The following RITA1 variants were observed in gnomAD, a reference collection of about 807,000 sequenced individuals.
RITA1 encodes RBPJ-interacting and tubulin-associated protein 1.
In RITA1, 15 loss-of-function variants were observed where a neutral mutation model predicts 8.7. The ratio of observed to expected loss-of-function variants is 1.72; its 90% CI spans 1.15 to 2.65. The LOEUF is 2.65. Ranked by LOEUF, RITA1 falls within the 30% of genes most tolerant of loss-of-function variation. RITA1 has a pLI of 0.00. For missense variants in RITA1, 330 were observed against 363.8 expected (o/e 0.91, Z 0.76); for synonymous variants, 145 against 156.2 (o/e 0.93, Z 0.53).
chr12:113,191,150 C>G lies in RITA1; in HGVS notation c.303-160C>G, dbSNP rs1952596230. 1.3e-5 allele frequency among the ~76,000 whole-genome samples: 2 copies of G among 152,184 alleles called. No individual in the cohort carries two copies. Among genetic ancestry groups the G allele is most frequent in the Admixed American group, 6.5e-5 (1 of 15,272 alleles). On this transcript the variant is annotated intron_variant, in intron 3 of 3. Coordinates refer to ENST00000548278, the MANE Select transcript of RITA1 (RefSeq NM_032848.3). This position sits in a 1 kb window ranked among gnomAD's most constrained non-coding sequence, Gnocchi z 4.0. ...ACCGGGGGCAGTGGTGCTTAAGAGG[C>G]TGTGGCCTCGCTGTAGGTTTCAGAC...
In RITA1 at chr12:113,192,098, A is replaced by C. The variant is rs1593019160; in HGVS notation, c.*281A>C. ...ATTAGTGCCAACCCAGGGGCCTGGC[A>C]CCTCCCACATCATCCATTGTCTTGC... On this transcript the variant is annotated 3_prime_UTR_variant, in exon 4 of 4. Transcript: ENST00000548278. 5.1e-6 allele frequency: 2 copies of C among 391,996 alleles called. No individual in the cohort carries two copies. The highest frequency in any genetic ancestry group is 9.1e-6 in the Non-Finnish European group (2 of 218,748). 24.3% of individuals were successfully genotyped at this position (391,996 alleles called of 1,614,324 possible).
At chr12:113,186,603 A>T (rs778675492) in intron 2 of RITA1, 80 bp from the exon 3 acceptor site, 119 of 1,446,862 alleles carry the variant, frequency 8.2e-5, no homozygotes, top group Non-Finnish European at 1.1e-4. Context: ...AACCCTTGGG[A>T]TGAGAACTTC....
intron 3 of RITA1, among the ~76,000 whole-genome samples, chr12:113,189,307 A>AT (rs1464325966): frequency 6.6e-6 from 1 of 152,010 alleles, no homozygotes; most frequent in South Asian, 2.1e-4. Context: ...GATACCTATT[A>AT]TAAAAACAAG....
At chr12:113,186,125 C>T in intron 1 of RITA1, 60 bp from the exon 2 acceptor site, 2 of 1,494,532 alleles carry the variant, frequency 1.3e-6, no homozygotes, top group South Asian at 1.2e-5. Flanking sequence ...GGTGATCTCC[C>T]GATAGCAGTG....
Position 113,186,883 on chromosome 12 carries a change from G to A in RITA1, c.137G>A (p.Arg46Gln), listed in dbSNP as rs367637594. Residue 46 changes from arginine (R) to glutamine (Q), a missense_variant, in exon 3 of 4, where the codon CGG becomes CAG. Coordinates refer to ENST00000548278, the MANE Select transcript of RITA1 (RefSeq NM_032848.3). ...ETLFGSPAGT[R>Q]PTPPDFDPPW... The stretch of plus-strand genomic sequence containing the variant: ...CTGTTTGGCAGCCCAGCAGGCACCC[G>A]GCCTACCCCACCGGACTTCGATCCG... The A allele has an allele frequency of 1.7e-5, 28 of 1,614,048 alleles. No homozygotes were observed. Among genetic ancestry groups the A allele is most frequent in the South Asian group, 6.6e-5 (6 of 91,080 alleles).
In RITA1 at chr12:113,185,868, G is replaced by T. The variant is rs57137190; in HGVS notation, c.-350G>T. The stretch of plus-strand genomic sequence containing the variant: ...CCCGGGACGGCCTAGGCTGCCGGGG[G>T]TCCGGGGCCCCAGGCATTCCGGGCT... On this transcript the variant is annotated 5_prime_UTR_variant, in exon 1 of 4. Transcript: ENST00000548278. The T allele has an allele frequency of 4.2e-6, 5 of 1,190,294 alleles. No individual in the cohort carries two copies. The highest frequency in any genetic ancestry group is 5.8e-6 in the Non-Finnish European group (5 of 861,506). The allele number at this position is 1,190,294 out of a possible 1,614,324, so 73.7% of individuals were successfully genotyped here. A position where few individuals can be genotyped will look rare whatever the true frequency, so the allele number is the denominator to read the frequency against.
intron 3 of RITA1, 33 bp downstream of exon 3, chr12:113,187,081 C>T: frequency 6.7e-7 from 1 of 1,491,894 alleles, no homozygotes; most frequent in African/African-American, 1.4e-5. Flanking sequence ...ATCCTGTACT[C>T]AGTGCAGCCA....
At chr12:113,188,453 T>A (rs1952561085) in intron 3 of RITA1, among the ~76,000 whole-genome samples, 1 of 152,046 alleles carries the variant, frequency 6.6e-6, no homozygotes, top group Non-Finnish European at 1.5e-5. Flanking sequence ...GTGATCCACC[T>A]GCCTTGGCCT....
intron 3 of RITA1, among the ~76,000 whole-genome samples, chr12:113,187,661 G>A (rs1952553067): frequency 6.6e-6 from 1 of 150,878 alleles, no homozygotes; most frequent in African/African-American, 2.4e-5. Flanking sequence ...GGAGGCTGAG[G>A]TGGGAGGATC....
In RITA1 at chr12:113,191,652, C is replaced by T; in HGVS notation, c.645C>T (p.Thr215=). 1 of 1,614,170 alleles carries T rather than the reference C, an allele frequency of 6.2e-7. No individual in the cohort carries two copies. Among genetic ancestry groups the T allele is most frequent in the Non-Finnish European group, 8.5e-7 (1 of 1,180,038 alleles). Residue 215 remains threonine (T), a synonymous_variant, in exon 4 of 4, where the codon ACC becomes ACT. Coordinates refer to ENST00000548278, the MANE Select transcript of RITA1 (RefSeq NM_032848.3). This position sits in a 1 kb window ranked among gnomAD's most constrained non-coding sequence, Gnocchi z 4.0. ...LNVPSTGHPA[T]SAPHTNGPQD... ...TCCCCAGCACTGGTCATCCAGCCAC[C>T]AGTGCCCCCCACACAAATGGGCCTC...
chr12:113,186,942 G>T lies in RITA1; in HGVS notation c.196G>T (p.Val66Leu), dbSNP rs767217662. The T allele has an allele frequency of 1.9e-6, 3 of 1,614,108 alleles. No homozygotes were observed. The change falls in exon 3 of 4, where the codon GTG (valine) becomes TTG (leucine). Residue 66 changes from valine (V) to leucine (L), a missense_variant. Val to Leu is a conservative substitution (Grantham distance 32, BLOSUM62 1). Transcript: ENST00000548278. ...WVEKANRTRG[V>L]GKEASKALGA... ...GGAGAAGGCTAACAGAACCAGAGGC[G>T]TGGGCAAGGAGGCATCGAAGGCCTT... is the stretch of plus-strand genomic sequence containing the variant.
chr12:113,190,802 T>G (rs1270240567), intron 3 of RITA1, among the ~76,000 whole-genome samples: 1 of 152,258 alleles, frequency 6.6e-6, no homozygotes, highest in Non-Finnish European at 1.5e-5. Flanking sequence ...TGGAACTGTC[T>G]GTCTCCACCT....
chr12:113,188,318 A>G (rs1010570916), intron 3 of RITA1, among the ~76,000 whole-genome samples: 47 of 151,746 alleles, frequency 3.1e-4, no homozygotes, highest in African/African-American at 9.2e-4. Context: ...CCCAGGTTCA[A>G]GCGATTCTCC....
Position 113,185,842 on chromosome 12 carries a change from C to T in RITA1, c.-376C>T, listed in dbSNP as rs993581826. On this transcript the variant is annotated 5_prime_UTR_variant, in exon 1 of 4. Coordinates refer to ENST00000548278, the MANE Select transcript of RITA1 (RefSeq NM_032848.3). ...CGGGTGAGTCCGTCCGCGCGCGGTG[C>T]CCCGGGACGGCCTAGGCTGCCGGGG... 1.3e-5 allele frequency: 11 copies of T among 838,336 alleles called. No individual in the cohort carries two copies. The highest frequency in any genetic ancestry group is 1.1e-5 in the Non-Finnish European group (6 of 554,996). The allele number at this position is 838,336 out of a possible 1,614,324, so 51.9% of individuals were successfully genotyped here.
chr12:113,188,963 C>G (rs988365555), intron 3 of RITA1, among the ~76,000 whole-genome samples: 1 of 151,618 alleles, frequency 6.6e-6, no homozygotes, highest in African/African-American at 2.4e-5. Context: ...GTGCACGCCA[C>G]CATGCCTGGC....
chr12:113,188,637 G>C (rs1175264335), intron 3 of RITA1, among the ~76,000 whole-genome samples: 1 of 151,766 alleles, frequency 6.6e-6, no homozygotes, highest in Non-Finnish European at 1.5e-5. Context: ...TCATCATAGG[G>C]CCTTTTCTCA....
chr12:113,186,933 A>G lies in RITA1; in HGVS notation c.187A>G (p.Thr63Ala), dbSNP rs758943699. 6.2e-7 allele frequency: 1 copy of G among 1,614,098 alleles called. No homozygotes were observed. The highest frequency in any genetic ancestry group is 1.1e-5 in the South Asian group (1 of 91,080). ...DPPWVEKANR[T>A]RGVGKEASKA... ...GCCCTGGGTGGAGAAGGCTAACAGA[A>G]CCAGAGGCGTGGGCAAGGAGGCATC... Residue 63 changes from threonine to alanine, a missense_variant, in exon 3 of 4, where the codon ACC becomes GCC. Thr to Ala is a moderately conservative substitution (Grantham distance 58, BLOSUM62 0). Coordinates refer to ENST00000548278, the MANE Select transcript of RITA1 (RefSeq NM_032848.3).
At chr12:113,190,161 G>A (rs1321227649) in intron 3 of RITA1, among the ~76,000 whole-genome samples, 7 of 151,034 alleles carry the variant, frequency 4.6e-5, no homozygotes, top group African/African-American at 1.2e-4. Context: ...AACCCCCCCC[G>A]TCTCTACTAA....
rs1451631198 is a variant in RITA1, at chr12:113,186,054, G to T, written c.-197+33G>T. The T allele has an allele frequency of 3.3e-6, 5 of 1,536,014 alleles. No individual in the cohort carries two copies. In the African/African-American group the frequency reaches 4.1e-5, roughly 13 times the overall value. On this transcript the variant is annotated intron_variant, in intron 1 of 3. Transcript: ENST00000548278. ...AACAACCCAAAAATGCAGGGACCTCGGGCACTTTTTAATCGGGTCATTGAT... is the reference window on the plus strand; with the variant it reads ...AACAACCCAAAAATGCAGGGACCTCTGGCACTTTTTAATCGGGTCATTGAT...
Sources: allele counts gnomAD v4.1 joint callset (sites outside exome capture counted in the v4.1 genomes callset), GRCh38; gene constraint gnomAD v4.1.1; non-coding constraint Gnocchi (gnomAD v3.1); transcripts MANE v1.5; gene names NCBI Gene and HGNC (gene_info 2026-07-23, HGNC 2026-07-21).